Variants in LOC128462377 observed in about 807,000 individuals in gnomAD.
the LOC128462377 span, among the ~76,000 whole-genome samples, chr16:89,318,707 T>C: frequency 6.6e-6 from 1 of 152,314 alleles, no homozygotes; most frequent in East Asian, 1.9e-4. Context: ...ATGACCTGCT[T>C]TGTCTTTCTA....
At chr16:89,324,193 C>T in the LOC128462377 span, 6 of 1,179,234 alleles carry the variant, frequency 5.1e-6, no homozygotes, top group Middle Eastern at 2.6e-4. Context: ...GTGGCAGCAC[C>T]GAGAGCGCGT....
chr16:89,394,942 G>T, the LOC128462377 span, among the ~76,000 whole-genome samples: 1 of 152,176 alleles, frequency 6.6e-6, no homozygotes, highest in Non-Finnish European at 1.5e-5. Context: ...TTTTTCCAAG[G>T]CTACTTAGAG....
At chr16:89,346,711 AAGGTGGGAGATCC>A in the LOC128462377 span, among the ~76,000 whole-genome samples, 2 of 152,238 alleles carry the variant, frequency 1.3e-5, no homozygotes, top group Admixed American at 1.3e-4. Flanking sequence ...GCTATACAGC[AAGGTGGGAGATCC>A]AGGTAAAGTG....
the LOC128462377 span, chr16:89,392,441 T>C: frequency 1.3e-5 from 2 of 152,136 alleles, no homozygotes; most frequent in Admixed American, 6.5e-5. Context: ...TTTTCTACAA[T>C]GGGTAAACGA....
the LOC128462377 span, among the ~76,000 whole-genome samples, chr16:89,407,871 A>AAAG: frequency 2.9e-4 from 34 of 117,984 alleles, 1 homozygote; most frequent in African/African-American, 4.3e-4. Flanking sequence ...AAAAAAAAAA[A>AAAG]AAGAAGAAGA....
At chr16:89,361,079 G>A in the LOC128462377 span, among the ~76,000 whole-genome samples, 1 of 152,150 alleles carries the variant, frequency 6.6e-6, no homozygotes, top group Non-Finnish European at 1.5e-5. Flanking sequence ...CTGCTGCAAT[G>A]GCACCTCCTA....
chr16:89,361,976 C>CT, the LOC128462377 span, among the ~76,000 whole-genome samples: 1 of 152,180 alleles, frequency 6.6e-6, no homozygotes. Context: ...CGGCCAGGGG[C>CT]TTGTGAGAGT....
chr16:89,411,075 C>G, the LOC128462377 span, among the ~76,000 whole-genome samples: 47 of 152,350 alleles, frequency 3.1e-4, no homozygotes, highest in Admixed American at 7.8e-4. Flanking sequence ...GCGGCCAGTG[C>G]AGGAGGCAGG....
chr16:89,389,879 A>C, the LOC128462377 span, among the ~76,000 whole-genome samples: 1 of 130,614 alleles, frequency 7.7e-6, no homozygotes, highest in Non-Finnish European at 1.6e-5. Flanking sequence ...ACTGGGGCGA[A>C]CACCGAGTGT....
chr16:89,317,682 G>A, the LOC128462377 span, among the ~76,000 whole-genome samples: 1,577 of 152,264 alleles, frequency 0.01, 32 homozygotes, highest in African/African-American at 0.036. Context: ...GGAAGCAGAC[G>A]CCCCCTCGGG....
chr16:89,354,438 C>T, the LOC128462377 span, among the ~76,000 whole-genome samples: 1 of 152,168 alleles, frequency 6.6e-6, no homozygotes, highest in Non-Finnish European at 1.5e-5. Context: ...ACTATGCCAG[C>T]GCAGTGCAGA....
chr16:89,413,719 G>A, the LOC128462377 span, among the ~76,000 whole-genome samples: 33 of 152,264 alleles, frequency 2.2e-4, no homozygotes, highest in Admixed American at 2.0e-4. Flanking sequence ...GTCAGCAGCC[G>A]CCAGGAACCC....
chr16:89,344,257 T>C, the LOC128462377 span, among the ~76,000 whole-genome samples: 2 of 152,176 alleles, frequency 1.3e-5, no homozygotes, highest in African/African-American at 4.8e-5. Flanking sequence ...TTTACTTTCA[T>C]ACGTTATTTT....
At chr16:89,351,063 A>G in the LOC128462377 span, among the ~76,000 whole-genome samples, 6 of 152,194 alleles carry the variant, frequency 3.9e-5, no homozygotes, top group Admixed American at 3.9e-4. Context: ...CCCGACCGCT[A>G]TTAAAATTGA....
the LOC128462377 span, among the ~76,000 whole-genome samples, chr16:89,390,370 C>G: frequency 6.7e-6 from 1 of 149,658 alleles, no homozygotes; most frequent in African/African-American, 2.5e-5. Flanking sequence ...GCGGGGAGCA[C>G]TGAGAGAGAG....
At chr16:89,377,809 G>GT in the LOC128462377 span, among the ~76,000 whole-genome samples, 68 of 152,004 alleles carry the variant, frequency 4.5e-4, no homozygotes, top group Non-Finnish European at 9.0e-4. Flanking sequence ...AAAGCACTTC[G>GT]TAAGTTACAC....
the LOC128462377 span, among the ~76,000 whole-genome samples, chr16:89,375,516 G>A: frequency 1.3e-5 from 2 of 151,828 alleles, no homozygotes; most frequent in African/African-American, 4.8e-5. Flanking sequence ...CTGGAGTGCA[G>A]TGGCACGATC....
chr16:89,329,325 G>A, the LOC128462377 span, among the ~76,000 whole-genome samples: 31 of 152,184 alleles, frequency 2.0e-4, no homozygotes, highest in Non-Finnish European at 4.0e-4. Flanking sequence ...ACTGGGCGAA[G>A]GTGGGGAAGG....
the LOC128462377 span, among the ~76,000 whole-genome samples, chr16:89,407,487 G>C: frequency 4.6e-5 from 7 of 152,152 alleles, no homozygotes; most frequent in East Asian, 1.9e-4. Flanking sequence ...CGTTCGCCTC[G>C]TCAGGGCTGT....
Sources: allele counts gnomAD v4.1 joint callset (sites outside exome capture counted in the v4.1 genomes callset), GRCh38; gene constraint gnomAD v4.1.1; transcripts MANE v1.5.